Variants in CA10 observed in about 807,000 individuals in gnomAD.
CA10 encodes carbonic anhydrase-related protein 10.
CA10 carries 14 observed loss-of-function variants against 44.2 expected under a neutral mutation model. The observed-to-expected ratio is 0.32, with a 90% CI of 0.21 to 0.50. The LOEUF is 0.50. Among genes scored for constraint, CA10 ranks in the 20% least tolerant of loss-of-function variants. The pLI is 0.99. For synonymous variants in CA10, 159 were observed against 141.6 expected, an observed-to-expected ratio of 1.12 and a Z score of -0.87; for missense variants, 350 against 409.7, an observed-to-expected ratio of 0.85 and a Z score of 1.26.
chr17:52,062,376 G>GT (rs1396056684), intron 2 of CA10, among the ~76,000 whole-genome samples: 5 of 152,156 alleles, frequency 3.3e-5, no homozygotes, highest in African/African-American at 1.2e-4. Flanking sequence ...AGGAAAGAAT[G>GT]TTTTCAGGAG....
chr17:52,035,146 T>G (rs1489352562), intron 2 of CA10, among the ~76,000 whole-genome samples: 2 of 152,122 alleles, frequency 1.3e-5, no homozygotes, highest in Non-Finnish European at 2.9e-5. Context: ...TTTTTCCACT[T>G]GAATGTTTCC....
intron 3 of CA10, among the ~76,000 whole-genome samples, chr17:51,840,225 A>C (rs753207526): frequency 1.3e-5 from 2 of 152,148 alleles, no homozygotes; most frequent in Non-Finnish European, 2.9e-5. Flanking sequence ...CTATTTCTTT[A>C]GTTTGAGAGC....
intron 4 of CA10, among the ~76,000 whole-genome samples, chr17:51,721,202 C>T (rs920009864): frequency 9.2e-5 from 14 of 151,928 alleles, no homozygotes; most frequent in Admixed American, 4.6e-4. Context: ...CATGGTGGCG[C>T]GAGCCTGTGA....
intron 3 of CA10, among the ~76,000 whole-genome samples, chr17:51,819,446 G>C (rs1305727261): frequency 6.6e-6 from 1 of 152,172 alleles, no homozygotes; most frequent in African/African-American, 2.4e-5. Context: ...ATGAAATTAT[G>C]CCCAGGAAAC....
intron 2 of CA10, among the ~76,000 whole-genome samples, chr17:52,063,614 CTG>C (rs770326790): frequency 1.1e-4 from 16 of 152,146 alleles, no homozygotes; most frequent in Admixed American, 2.6e-4. Context: ...GGCAATTTCT[CTG>C]TATCTCTTGC....
intron 1 of CA10, among the ~76,000 whole-genome samples, chr17:52,132,837 C>G (rs1989271225): frequency 6.6e-6 from 1 of 152,072 alleles, no homozygotes; most frequent in African/African-American, 2.4e-5. Context: ...AAACTGGGGA[C>G]TTGGTCCAGA....
intron 3 of CA10, among the ~76,000 whole-genome samples, chr17:51,753,288 A>G (rs889809082): frequency 2.0e-5 from 3 of 152,238 alleles, no homozygotes; most frequent in African/African-American, 7.2e-5. Flanking sequence ...TAGAAGCACT[A>G]TGTTCTTTTG....
chr17:52,117,200 T>C (rs1285741934), intron 1 of CA10, among the ~76,000 whole-genome samples: 1 of 152,220 alleles, frequency 6.6e-6, no homozygotes, highest in Non-Finnish European at 1.5e-5. Context: ...CCACTCTTAA[T>C]GCATGCATTA....
At chr17:51,682,817 C>T (rs1567801830) in intron 4 of CA10, among the ~76,000 whole-genome samples, 2 of 152,152 alleles carry the variant, frequency 1.3e-5, no homozygotes, top group South Asian at 2.1e-4. Context: ...GGAAACCTGA[C>T]GTTGATGAAG....
At chr17:51,879,057 CT>C (rs1342218393) in intron 3 of CA10, among the ~76,000 whole-genome samples, 3 of 150,924 alleles carry the variant, frequency 2.0e-5, no homozygotes, top group African/African-American at 2.4e-5. Context: ...TACTATATAA[CT>C]TTGTGACTTT....
intron 2 of CA10, among the ~76,000 whole-genome samples, chr17:51,956,899 G>A (rs1189400255): frequency 1.3e-5 from 2 of 152,000 alleles, no homozygotes; most frequent in African/African-American, 4.8e-5. Context: ...CGTCTGCCAA[G>A]CTCTTCCCAG....
chr17:51,921,560 C>T (rs1982234851), intron 3 of CA10, among the ~76,000 whole-genome samples: 2 of 152,246 alleles, frequency 1.3e-5, no homozygotes, highest in Admixed American at 1.3e-4. Flanking sequence ...CTGTACTTTA[C>T]TGTGTCAATG....
chr17:51,782,324 T>C (rs1348275262), intron 3 of CA10, among the ~76,000 whole-genome samples: 2 of 152,356 alleles, frequency 1.3e-5, no homozygotes, highest in East Asian at 3.9e-4. Flanking sequence ...AAATCTAGGC[T>C]TCCCATCCAT....
intron 3 of CA10, among the ~76,000 whole-genome samples, chr17:51,818,047 A>T (rs1479802937): frequency 6.6e-6 from 1 of 152,168 alleles, no homozygotes. Flanking sequence ...TGTGTTTGCC[A>T]AGTATAGCTG....
At chr17:52,058,678 C>T (rs1987295226) in intron 2 of CA10, among the ~76,000 whole-genome samples, 1 of 152,200 alleles carries the variant, frequency 6.6e-6, no homozygotes. Context: ...TCTTTTCCAT[C>T]TTGCATACCT....
At chr17:52,047,272 A>T (rs1306699080) in intron 2 of CA10, among the ~76,000 whole-genome samples, 1 of 151,988 alleles carries the variant, frequency 6.6e-6, no homozygotes, top group Non-Finnish European at 1.5e-5. Context: ...GTAAAATTGT[A>T]TTGGTTTCCA....
At chr17:51,850,181 T>C (rs1172401053) in intron 3 of CA10, among the ~76,000 whole-genome samples, 1 of 152,224 alleles carries the variant, frequency 6.6e-6, no homozygotes, top group Non-Finnish European at 1.5e-5. Context: ...TATATCAGTG[T>C]ATTACAGGTG....
chr17:52,050,989 A>AAGGG (rs1357421363), intron 2 of CA10, among the ~76,000 whole-genome samples: 1 of 149,394 alleles, frequency 6.7e-6, no homozygotes, highest in Non-Finnish European at 1.5e-5. Flanking sequence ...AAAGAAAAAA[A>AAGGG]AGGGAAGGAA....
intron 2 of CA10, among the ~76,000 whole-genome samples, chr17:51,975,241 C>A (rs1186728051): frequency 6.6e-6 from 1 of 151,810 alleles, no homozygotes; most frequent in Non-Finnish European, 1.5e-5. Context: ...AAATAGAAAG[C>A]AAAAATGAAA....
Sources: gnomAD v4.1 joint callset for allele counts (sites outside exome capture counted in the v4.1 genomes callset) on GRCh38, gnomAD v4.1.1 for gene constraint, MANE v1.5 for transcripts, NCBI Gene and HGNC (gene_info 2026-07-23, HGNC 2026-07-21) for gene names.